Variants in BPTF observed in about 807,000 individuals in gnomAD.
The protein encoded by BPTF is bromodomain PHD finger transcription factor.
BPTF carries 18 observed loss-of-function variants against 292.5 expected under a neutral mutation model. The observed-to-expected ratio is 0.06, with a 90% CI of 0.04 to 0.09. The LOEUF (loss-of-function observed/expected upper bound fraction) is 0.09, where lower values mean the gene tolerates loss of function less well. Among genes scored for constraint, BPTF ranks in the 10% least tolerant of loss-of-function variants. The pLI is 1.00. For synonymous variants in BPTF, 1,225 were observed against 1,251.9 expected (o/e 0.98, Z 0.45); for missense variants, 2,726 against 3,498.7 (o/e 0.78, Z 5.57).
intron 3 of BPTF, among the ~76,000 whole-genome samples, chr17:67,871,315 G>A (rs563532151): frequency 4.0e-4 from 61 of 151,794 alleles, no homozygotes; most frequent in African/African-American, 4.6e-4. Context: ...GGTGGTGCAC[G>A]CCTGCAATCC....
At chr17:67,949,609 A>G (rs1312901944) in intron 23 of BPTF, among the ~76,000 whole-genome samples, 2 of 150,970 alleles carry the variant, frequency 1.3e-5, no homozygotes, top group Non-Finnish European at 1.5e-5. Context: ...TTATACATAT[A>G]TATACACACA....
chr17:67,887,831 T>G (rs902282709), intron 4 of BPTF, among the ~76,000 whole-genome samples: 7 of 152,156 alleles, frequency 4.6e-5, no homozygotes, highest in African/African-American at 1.7e-4. Context: ...GACAGGCTAT[T>G]CCCATGTGGC....
intron 4 of BPTF, among the ~76,000 whole-genome samples, chr17:67,891,202 T>G (rs1274069114): frequency 6.6e-6 from 1 of 152,008 alleles, no homozygotes; most frequent in Non-Finnish European, 1.5e-5. Context: ...AAAAAAAAAT[T>G]CAGCCAAAGT....
intron 10 of BPTF, 126 bp downstream of exon 10, chr17:67,909,887 T>A (rs766698348): frequency 4.9e-5 from 36 of 728,742 alleles, no homozygotes; most frequent in Non-Finnish European, 6.0e-5. Flanking sequence ...ATAATTGATA[T>A]CCCATACAAT....
intron 25 of BPTF, chr17:67,964,999 A>AG (rs1430818932): frequency 2.7e-3 from 9 of 3,376 alleles, no homozygotes; most frequent in African/African-American, 5.5e-3. Context: ...ACTCCATCGC[A>AG]AAAAAAAAAA....
In BPTF at chr17:67,859,999, C is replaced by T. The variant is rs139997334; in HGVS notation, c.1436+5237C>T. Among the ~76,000 whole-genome samples the T allele has an allele frequency of 4.9e-4, 74 of 152,204 alleles. 1 individual carries two copies. The highest frequency in any genetic ancestry group is 1.8e-3 in the African/African-American group (73 of 41,526). ...AAATATTTTATTTTTCTTAGTGGAA[C>T]AGTAAAATACTTATGTTTGTCAATA... On this transcript the variant is annotated intron_variant, in intron 2 of 27. Transcript: ENST00000306378.
chr17:67,884,264 C>T (rs539998130), intron 4 of BPTF, among the ~76,000 whole-genome samples: 9 of 151,518 alleles, frequency 5.9e-5, no homozygotes, highest in African/African-American at 2.2e-4. Context: ...CACCACCACA[C>T]CTGGATAATT....
chr17:67,903,391 A>G (rs778333565), intron 7 of BPTF, among the ~76,000 whole-genome samples: 11 of 152,240 alleles, frequency 7.2e-5, no homozygotes, highest in Non-Finnish European at 1.5e-4. Context: ...AAAAATCTGT[A>G]TATTTTGATA....
At chr17:67,827,930 CTTTTTT>C (rs35169238) in intron 1 of BPTF, among the ~76,000 whole-genome samples, 1 of 128,960 alleles carries the variant, frequency 7.8e-6, no homozygotes. Context: ...AATTTTAGTA[CTTTTTT>C]TTTTTTTTTT....
rs2061039252 is a variant in BPTF, at chr17:67,890,493, T to C, written c.1865-1351T>C. Among the ~76,000 whole-genome samples the C allele has an allele frequency of 2.0e-5, 3 of 152,166 alleles. No individual in the cohort carries two copies. The South Asian group carries it at 6.2e-4, about 31-fold the overall frequency. On this transcript the variant is annotated intron_variant, in intron 4 of 27. Coordinates refer to ENST00000306378, the MANE Select transcript of BPTF (RefSeq NM_182641.4). ...TTCTCCATCTCTGGATTTTAAAAAC[T>C]GGAAAAGGATGCTGAGAGGATTGAG...
At position 67,913,040 on chromosome 17, in the gene BPTF, G is replaced by A; in HGVS notation, c.5156G>A (p.Ser1719Asn). 6.2e-7 allele frequency: 1 copy of A among 1,614,180 alleles called. No individual in the cohort carries two copies. The highest frequency in any genetic ancestry group is 8.5e-7 in the Non-Finnish European group (1 of 1,180,028). Residue 1719 changes from serine (S) to asparagine (N), a missense_variant, in exon 11 of 28, where the codon AGC (serine) becomes AAC (asparagine). Coordinates refer to ENST00000306378, the MANE Select transcript of BPTF (RefSeq NM_182641.4). ...RKFVTKSSKKSIFVLPNDDLK... is the reference protein window; with the variant it reads ...RKFVTKSSKKNIFVLPNDDLK... ...TTTGTTACCAAGAGCAGCAAGAAGA[G>A]CATTTTTGTTTTGCCTAATGATGAC...
chr17:67,933,006 C>G (rs1467487957), intron 18 of BPTF, among the ~76,000 whole-genome samples: 1 of 152,046 alleles, frequency 6.6e-6, no homozygotes, highest in Non-Finnish European at 1.5e-5. Context: ...AATCCCAGCA[C>G]TTTGGGAAGC....
In BPTF at chr17:67,910,764, C is replaced by T. The variant is rs145253980; in HGVS notation, c.2993-113C>T. On this transcript the variant is annotated intron_variant, in intron 10 of 27. Coordinates refer to ENST00000306378, the MANE Select transcript of BPTF (RefSeq NM_182641.4). The stretch of plus-strand genomic sequence containing the variant: ...GCAGTGAACTGAGATCATGCCACTG[C>T]ACTCCAGCCTGGGCAACAGAGTGAG... The T allele has an allele frequency of 2.4e-3, 1,711 of 706,216 alleles. 66 individuals are homozygous for T. The East Asian group carries it at 0.058, about 24-fold the overall frequency. 43.7% of individuals were successfully genotyped at this position (706,216 alleles called of 1,614,324 possible). A position where few individuals can be genotyped will look rare whatever the true frequency, so the allele number is the denominator to read the frequency against.
Position 67,945,625 on chromosome 17 carries a change from C to T in BPTF, c.6917C>T (p.Ser2306Leu). Residue 2306 changes from serine (S) to leucine (L), a missense_variant, in exon 21 of 28, where the codon TCA becomes TTA. By Grantham distance (145) the Ser-to-Leu change is moderately radical. Around this residue, in one of 22 missense-constraint regions of BPTF, gnomAD observed 570 missense variants for 633.5 expected, o/e 0.90. Coordinates refer to ENST00000306378, the MANE Select transcript of BPTF (RefSeq NM_182641.4). ...QPEVQTQTTVSSHVPSEAQPT... is the reference protein window; with the variant it reads ...QPEVQTQTTVLSHVPSEAQPT... ...GAAGTTCAGACCCAAACAACTGTTTCATCCCATGTCCCTTCTGAAGCACAA... is the reference window on the plus strand; with the variant it reads ...GAAGTTCAGACCCAAACAACTGTTTTATCCCATGTCCCTTCTGAAGCACAA... 6.2e-7 allele frequency: 1 copy of T among 1,613,770 alleles called. No homozygotes were observed. Among genetic ancestry groups the T allele is most frequent in the Non-Finnish European group, 8.5e-7 (1 of 1,179,872 alleles).
At chr17:67,924,950 TGTTCCCCAG>T (rs974407620) in intron 15 of BPTF, among the ~76,000 whole-genome samples, 1 of 152,002 alleles carries the variant, frequency 6.6e-6, no homozygotes, top group African/African-American at 2.4e-5. Context: ...GGCTTCGCCG[TGTTCCCCAG>T]GCTGGTCTTA....
At chr17:67,891,537 ATGTT>A (rs2062080357) in intron 4 of BPTF, 1 of 207,358 alleles carries the variant, frequency 4.8e-6, no homozygotes, top group African/African-American at 2.3e-5. Context: ...AGTTATTATT[ATGTT>A]TGTTACTTGT....
chr17:67,880,680 A>G (rs1009665795), intron 4 of BPTF, among the ~76,000 whole-genome samples: 2 of 152,108 alleles, frequency 1.3e-5, no homozygotes, highest in Non-Finnish European at 2.9e-5. Context: ...TCTGTTACCC[A>G]GGCTGGATTG....
rs553159162 is a variant in BPTF at position 67,953,422 on chromosome 17, A to AT, written c.7926+5125dup. Among the ~76,000 whole-genome samples the AT allele has an allele frequency of 4.7e-3, 694 of 147,476 alleles. 5 individuals are homozygous for AT. The highest frequency in any genetic ancestry group is 0.016 in the African/African-American group (640 of 39,792). ...AGGCGCCCACCACTGCACTCGGCTA[A>AT]TTTTTTTTTGTTTTTTGAAGAGATA... On this transcript the variant is annotated intron_variant, in intron 23 of 27. Transcript: ENST00000306378.
intron 23 of BPTF, among the ~76,000 whole-genome samples, chr17:67,952,548 C>G (rs2066478016): frequency 1.3e-5 from 2 of 152,180 alleles, no homozygotes; most frequent in Non-Finnish European, 2.9e-5. Context: ...CAGGCGTGAG[C>G]CACCACGCCC....
Sources: allele counts gnomAD v4.1 joint callset (sites outside exome capture counted in the v4.1 genomes callset), GRCh38; gene constraint gnomAD v4.1.1; regional missense constraint gnomAD v4.1.1; transcripts MANE v1.5; gene names NCBI Gene and HGNC (gene_info 2026-07-23, HGNC 2026-07-21).